GBE1: variants seen among roughly 807,000 people sequenced by gnomAD.
GBE1 encodes the protein 1,4-alpha-glucan-branching enzyme.
In GBE1, 70 loss-of-function variants were observed where a neutral mutation model predicts 88.8. The observed-to-expected ratio is 0.79, with a 90% CI of 0.65 to 0.96. The LOEUF (loss-of-function observed/expected upper bound fraction) is 0.96, where lower values mean the gene tolerates loss of function less well. Among genes scored for constraint, GBE1 ranks in the 40% least tolerant of loss-of-function variants. GBE1 has a pLI of 0.00. For missense variants in GBE1, 872 were observed against 871.0 expected (o/e 1.00, Z -0.01); for synonymous variants, 284 against 300.1 (o/e 0.95, Z 0.56).
At chr3:81,603,304 C>T (rs1021081736) in intron 7 of GBE1, among the ~76,000 whole-genome samples, 1 of 152,012 alleles carries the variant, frequency 6.6e-6, no homozygotes, top group Admixed American at 6.6e-5. Flanking sequence ...TTATGTCATA[C>T]TTCACTTAAT....
intron 1 of GBE1, among the ~76,000 whole-genome samples, chr3:81,706,393 C>A (rs1029059280): frequency 3.9e-5 from 6 of 152,148 alleles, no homozygotes; most frequent in Non-Finnish European, 7.4e-5. Context: ...GGTACTGGTA[C>A]ACCAAAAAGT....
At chr3:81,555,852 A>G (rs1267455878) in intron 12 of GBE1, among the ~76,000 whole-genome samples, 1 of 152,188 alleles carries the variant, frequency 6.6e-6, no homozygotes, top group Non-Finnish European at 1.5e-5. Flanking sequence ...ACTGCTTTCT[A>G]GAGAATAGAC....
chr3:81,697,011 T>C (rs1321375959), intron 2 of GBE1, among the ~76,000 whole-genome samples: 1 of 152,064 alleles, frequency 6.6e-6, no homozygotes, highest in Non-Finnish European at 1.5e-5. Flanking sequence ...TGTCCTCCAA[T>C]TCAATCCTGA....
intron 12 of GBE1, among the ~76,000 whole-genome samples, chr3:81,555,670 C>A (rs1387213657): frequency 6.6e-6 from 1 of 152,138 alleles, no homozygotes. Flanking sequence ...CTGATCAGGA[C>A]CCAGGTTTCC....
intron 14 of GBE1, among the ~76,000 whole-genome samples, chr3:81,524,710 G>A (rs550544883): frequency 2.0e-5 from 3 of 151,926 alleles, no homozygotes; most frequent in Non-Finnish European, 4.4e-5. Context: ...TTGAAAATGA[G>A]TTCACTGTAG....
intron 1 of GBE1, among the ~76,000 whole-genome samples, chr3:81,736,495 A>T (rs1464080063): frequency 6.6e-6 from 1 of 152,134 alleles, no homozygotes. Context: ...CATCCTCCTT[A>T]GTCTACTTAG....
chr3:81,757,551 G>A (rs1248804962), intron 1 of GBE1, among the ~76,000 whole-genome samples: 4 of 152,172 alleles, frequency 2.6e-5, no homozygotes, highest in African/African-American at 9.7e-5. Context: ...TAGGAAGGCA[G>A]CATGCTACAT....
intron 12 of GBE1, among the ~76,000 whole-genome samples, chr3:81,569,142 T>G (rs1008914640): frequency 6.6e-6 from 1 of 152,204 alleles, no homozygotes; most frequent in Admixed American, 6.5e-5. Context: ...AAATTTAATT[T>G]TTCCCAAATG....
At chr3:81,589,064 C>A (rs928547774) in intron 9 of GBE1, among the ~76,000 whole-genome samples, 1 of 151,902 alleles carries the variant, frequency 6.6e-6, no homozygotes, top group Non-Finnish European at 1.5e-5. Context: ...TAAAGGTCAT[C>A]AAAATAAACA....
At chr3:81,720,442 G>A (rs1318047583) in intron 1 of GBE1, among the ~76,000 whole-genome samples, 1 of 151,310 alleles carries the variant, frequency 6.6e-6, no homozygotes, top group Non-Finnish European at 1.5e-5. Flanking sequence ...AAACAGAATA[G>A]GTCTGAAAGC....
At chr3:81,563,186 C>T (rs1041806555) in intron 12 of GBE1, among the ~76,000 whole-genome samples, 8 of 152,080 alleles carry the variant, frequency 5.3e-5, no homozygotes, top group African/African-American at 1.9e-4. Context: ...AGCCTCTGAT[C>T]AATTCTTTTT....
chr3:81,649,944 T>G lies in GBE1; in HGVS notation c.430-23A>C, dbSNP rs978799675. On this transcript the variant is annotated intron_variant, in intron 3 of 15. Coordinates refer to ENST00000429644, the MANE Select transcript of GBE1 (RefSeq NM_000158.4). ...TACCTAAAAAGAGAATGACATGTTA[T>G]TGCTTTAAAATACATCCAGAACTCT... The G allele has an allele frequency of 7.6e-6, 12 of 1,585,252 alleles. No individual in the cohort carries two copies. In the African/African-American group the frequency reaches 1.6e-4, roughly 21 times the overall value.
At chr3:81,652,527 T>C (rs1292026623) in intron 3 of GBE1, among the ~76,000 whole-genome samples, 1 of 152,178 alleles carries the variant, frequency 6.6e-6, no homozygotes, top group Non-Finnish European at 1.5e-5. Context: ...TTTCTCCTTC[T>C]CTCTTATTCA....
intron 7 of GBE1, among the ~76,000 whole-genome samples, chr3:81,604,091 A>G (rs562475487): frequency 2.0e-5 from 3 of 152,108 alleles, no homozygotes; most frequent in Non-Finnish European, 4.4e-5. Flanking sequence ...GTGAGAGACA[A>G]TAAGAGACAA....
chr3:81,687,095 T>C (rs1338798876), intron 2 of GBE1, among the ~76,000 whole-genome samples: 1 of 152,116 alleles, frequency 6.6e-6, no homozygotes, highest in Non-Finnish European at 1.5e-5. Flanking sequence ...GATCCAGGAG[T>C]GGATCTTTAC....
chr3:81,514,204 A>AATT (rs887778758), intron 14 of GBE1, among the ~76,000 whole-genome samples: 1 of 149,606 alleles, frequency 6.7e-6, no homozygotes, highest in African/African-American at 2.4e-5. Flanking sequence ...TCTCTCTCTA[A>AATT]ATAATAAAGA....
At chr3:81,660,051 T>C (rs1374740122) in intron 3 of GBE1, among the ~76,000 whole-genome samples, 3 of 152,166 alleles carry the variant, frequency 2.0e-5, no homozygotes, top group Non-Finnish European at 4.4e-5. Flanking sequence ...GTATGTACAA[T>C]GATGAAAGTA....
At chr3:81,587,416 G>A (rs1009530679) in intron 9 of GBE1, among the ~76,000 whole-genome samples, 11 of 151,916 alleles carry the variant, frequency 7.2e-5, no homozygotes, top group African/African-American at 2.7e-4. Flanking sequence ...TATCCAAATG[G>A]CATTCCCCAT....
chr3:81,642,830 G>C lies in GBE1; in HGVS notation c.943C>G (p.Pro315Ala). Residue 315 changes from proline (P) to alanine (A), a missense_variant, in exon 7 of 16, where the codon CCT becomes GCT. By Grantham distance (27) the Pro-to-Ala change is conservative. Transcript: ENST00000429644. The stretch of plus-strand genomic sequence containing the variant: ...TCCCAAAGATCATGAGTCCCTCTAG[G>C]TCCAGAATGAAAATAACAGGAATCT... ...GTDSCYFHSG[P>A]RGTHDLWDSR... is the part of the protein sequence containing the mutation. 1 of 1,613,174 alleles carries C rather than the reference G, an allele frequency of 6.2e-7. No individual in the cohort carries two copies. Among genetic ancestry groups the C allele is most frequent in the Non-Finnish European group, 8.5e-7 (1 of 1,179,348 alleles).
Sources: gnomAD v4.1 joint callset for allele counts (sites outside exome capture counted in the v4.1 genomes callset) on GRCh38, gnomAD v4.1.1 for gene constraint, MANE v1.5 for transcripts, NCBI Gene and HGNC (gene_info 2026-07-23, HGNC 2026-07-21) for gene names.